Variants in ZFPM2 observed in about 807,000 individuals in gnomAD.
ZFPM2 encodes zinc finger protein ZFPM2.
A neutral mutation model predicts 98.6 loss-of-function variants in ZFPM2; 20 were observed. The ratio of observed to expected loss-of-function variants is 0.20; its 90% CI spans 0.14 to 0.29. The LOEUF (loss-of-function observed/expected upper bound fraction) is 0.29. Among genes scored for constraint, ZFPM2 ranks in the 10% least tolerant of loss-of-function variants. The pLI is 1.00. For synonymous variants in ZFPM2, 518 were observed against 502.7 expected (o/e 1.03, Z -0.41); for missense variants, 1,310 against 1,388.6 (o/e 0.94, Z 0.90).
chr8:105,680,914 A>G (rs1437294701), intron 5 of ZFPM2, among the ~76,000 whole-genome samples: 3 of 152,304 alleles, frequency 2.0e-5, no homozygotes, highest in Middle Eastern at 3.4e-3. Flanking sequence ...CAAAAATATC[A>G]AGGAGCAGAC....
intron 5 of ZFPM2, among the ~76,000 whole-genome samples, chr8:105,760,289 A>G (rs1286160042): frequency 6.6e-6 from 1 of 152,076 alleles, no homozygotes; most frequent in African/African-American, 2.4e-5. Flanking sequence ...TGTATCTTTT[A>G]GAGCCTTGGC....
chr8:105,357,004 C>A (rs1398325511), intron 1 of ZFPM2, among the ~76,000 whole-genome samples: 1 of 152,078 alleles, frequency 6.6e-6, no homozygotes, highest in Non-Finnish European at 1.5e-5. Context: ...ATTTGTCTAC[C>A]CTGTTTTAGG....
chr8:105,537,258 G>C (rs1411385835), intron 3 of ZFPM2, among the ~76,000 whole-genome samples: 2 of 151,888 alleles, frequency 1.3e-5, no homozygotes, highest in East Asian at 3.9e-4. Flanking sequence ...TTTAGGCCTA[G>C]ATTATTAATA....
chr8:105,389,917 T>A (rs1476544316), intron 1 of ZFPM2, among the ~76,000 whole-genome samples: 1 of 152,206 alleles, frequency 6.6e-6, no homozygotes, highest in Non-Finnish European at 1.5e-5. Flanking sequence ...TTTGTCAGAT[T>A]TAGGAAAAAT....
At position 105,803,820 on chromosome 8, in the gene ZFPM2, TG is replaced by T; in HGVS notation, c.*283del. ...ATATTAAAGTCATTTGTAATGTTAT[TG>T]TATAGTTATTGTGTAGCACATATGG... is the stretch of plus-strand genomic sequence containing the variant. On this transcript the variant is annotated 3_prime_UTR_variant, in exon 8 of 8. Transcript: ENST00000407775. The T allele has an allele frequency of 5.4e-6, 2 of 367,828 alleles. No homozygotes were observed. Among genetic ancestry groups the T allele is most frequent in the Non-Finnish European group, 1.0e-5 (2 of 199,272 alleles). 22.8% of individuals were successfully genotyped at this position (367,828 alleles called of 1,614,324 possible).
intron 3 of ZFPM2, among the ~76,000 whole-genome samples, chr8:105,497,533 T>G (rs1813499642): frequency 1.3e-5 from 2 of 152,190 alleles, no homozygotes; most frequent in African/African-American, 4.8e-5. Flanking sequence ...CATATGGTGC[T>G]GAGAAAAATG....
rs36014181 is a variant in ZFPM2 at position 105,560,574 on chromosome 8, GTTT to G, written c.302-777_302-775del. ...CCAAACAACATTTAAGCTATTGGCCGTTTTTTTTTTTTTTGAAATTTTGAGGCC... is the reference window on the plus strand; with the variant it reads ...CCAAACAACATTTAAGCTATTGGCCGTTTTTTTTTTTGAAATTTTGAGGCC... On this transcript the variant is annotated intron_variant, in intron 3 of 7. Transcript: ENST00000407775. Among the ~76,000 whole-genome samples, 440 of 133,216 alleles carry G rather than the reference GTTT, an allele frequency of 3.3e-3. 3 individuals carry two copies. Among genetic ancestry groups the G allele is most frequent in the African/African-American group, 0.011 (414 of 36,588 alleles). The allele number at this position is 133,216 out of a possible 152,430, so 87.4% of individuals were successfully genotyped here.
chr8:105,660,890 C>A lies in ZFPM2; in HGVS notation c.532+26533C>A, dbSNP rs530059677. On this transcript the variant is annotated intron_variant, in intron 5 of 7. Coordinates refer to ENST00000407775, the MANE Select transcript of ZFPM2 (RefSeq NM_012082.4). Reference sequence around the variant, plus strand: ...CATAGAAAGCATCATATTGCAGACACAAAATAAATGACAATCAATAAAAAA... The same window carrying A: ...CATAGAAAGCATCATATTGCAGACAAAAAATAAATGACAATCAATAAAAAA... 2.6e-5 allele frequency among the ~76,000 whole-genome samples: 4 copies of A among 152,212 alleles called. No individual in the cohort carries two copies. The East Asian group carries it at 7.7e-4, about 29-fold the overall frequency.
intron 3 of ZFPM2, among the ~76,000 whole-genome samples, chr8:105,472,123 T>G (rs1812916312): frequency 6.6e-6 from 1 of 152,220 alleles, no homozygotes; most frequent in Non-Finnish European, 1.5e-5. Context: ...ACACTTTAGT[T>G]GGCAAAGCTT....
At position 105,798,715 on chromosome 8, in the gene ZFPM2, T is replaced by C. The variant is rs767169583; in HGVS notation, c.740-9T>C. 3.1e-6 allele frequency: 5 copies of C among 1,608,476 alleles called. No individual in the cohort carries two copies. The highest frequency in any genetic ancestry group is 2.2e-5 in the East Asian group (1 of 44,750). Reference sequence around the variant, plus strand: ...GCAGCAAATGTGTCTCTTGTGTTTTTACCTGCAGAGGATATATTCCCTTGC... The same window carrying C: ...GCAGCAAATGTGTCTCTTGTGTTTTCACCTGCAGAGGATATATTCCCTTGC... On this transcript the variant is annotated splice_polypyrimidine_tract_variant and intron_variant, in intron 6 of 7. Transcript: ENST00000407775.
chr8:105,496,531 T>C (rs1178260504), intron 3 of ZFPM2, among the ~76,000 whole-genome samples: 1 of 152,172 alleles, frequency 6.6e-6, no homozygotes, highest in Non-Finnish European at 1.5e-5. Context: ...CAGTGCATCA[T>C]GTCAGGAAGC....
chr8:105,629,952 C>A (rs1262076093), intron 4 of ZFPM2, among the ~76,000 whole-genome samples: 1 of 152,126 alleles, frequency 6.6e-6, no homozygotes, highest in Admixed American at 6.6e-5. Flanking sequence ...TCTCATGGTA[C>A]AAAAAGTTAA....
intron 2 of ZFPM2, among the ~76,000 whole-genome samples, chr8:105,433,508 C>T (rs1812059515): frequency 6.6e-6 from 1 of 152,136 alleles, no homozygotes. Context: ...GAAATTGCGG[C>T]TGGGCACGGT....
chr8:105,438,681 A>G (rs767994324), intron 2 of ZFPM2, among the ~76,000 whole-genome samples: 4 of 152,228 alleles, frequency 2.6e-5, no homozygotes, highest in Non-Finnish European at 4.4e-5. Flanking sequence ...GGGAGAACTC[A>G]AAAGACCCGA....
At chr8:105,681,966 G>C (rs561420218) in intron 5 of ZFPM2, among the ~76,000 whole-genome samples, 1 of 152,076 alleles carries the variant, frequency 6.6e-6, no homozygotes, top group Non-Finnish European at 1.5e-5. Context: ...TGTCTGATAC[G>C]TGCCTGATAC....
chr8:105,509,626 G>A (rs1303958434), intron 3 of ZFPM2, among the ~76,000 whole-genome samples: 3 of 152,034 alleles, frequency 2.0e-5, no homozygotes, highest in African/African-American at 7.2e-5. Flanking sequence ...TAATAGTTGA[G>A]GAGTCAATAA....
intron 5 of ZFPM2, among the ~76,000 whole-genome samples, chr8:105,715,164 C>A (rs2130985203): frequency 6.6e-6 from 1 of 151,942 alleles, no homozygotes; most frequent in East Asian, 1.9e-4. Flanking sequence ...TTTGGGAGTC[C>A]AAGATGGGAG....
chr8:105,401,221 A>C (rs1284979329), intron 1 of ZFPM2, among the ~76,000 whole-genome samples: 1 of 148,784 alleles, frequency 6.7e-6, no homozygotes, highest in Non-Finnish European at 1.5e-5. Flanking sequence ...ATACAGACTT[A>C]ATTTAATAAT....
rs146176018 is a variant in ZFPM2 at position 105,407,059 on chromosome 8, T to G, written c.41-12085T>G. ...CCTTCCTTTTTGCTATCAGAAAGCATAGGGCCACAGCTGGGGGTTGTGGGG... is the reference window on the plus strand; with the variant it reads ...CCTTCCTTTTTGCTATCAGAAAGCAGAGGGCCACAGCTGGGGGTTGTGGGG... On this transcript the variant is annotated intron_variant, in intron 1 of 7. Transcript: ENST00000407775. Among the ~76,000 whole-genome samples, 794 of 151,122 alleles carry G rather than the reference T, an allele frequency of 5.3e-3. 3 individuals carry two copies. Among genetic ancestry groups the G allele is most frequent in the African/African-American group, 0.018 (760 of 41,202 alleles).
Sources: gnomAD v4.1 joint callset for allele counts (sites outside exome capture counted in the v4.1 genomes callset) on GRCh38, gnomAD v4.1.1 for gene constraint, MANE v1.5 for transcripts, NCBI Gene and HGNC (gene_info 2026-07-23, HGNC 2026-07-21) for gene names.